The following HEATR5B variants were observed in gnomAD, a reference collection of about 807,000 sequenced individuals.
HEATR5B encodes the protein HEAT repeat-containing protein 5B.
HEATR5B carries 156 observed loss-of-function variants against 224.1 expected under a neutral mutation model. The observed-to-expected ratio is 0.70, with a 90% CI of 0.61 to 0.80. The LOEUF is 0.80. HEATR5B is among the 30% of genes least tolerant of loss of function. The pLI, the probability that HEATR5B is intolerant of heterozygous loss-of-function variation, is 0.00. For synonymous variants in HEATR5B, 1,027 were observed against 893.0 expected (o/e 1.15, Z -2.68); for missense variants, 2,323 against 2,535.5 (o/e 0.92, Z 1.80).
intron 8 of HEATR5B, among the ~76,000 whole-genome samples, chr2:37,068,381 T>C (rs1263797668): frequency 6.6e-6 from 1 of 152,092 alleles, no homozygotes; most frequent in Non-Finnish European, 1.5e-5. Context: ...AAGAGGACAA[T>C]AGATTACTCC....
chr2:37,001,291 T>C (rs1036101566), intron 32 of HEATR5B, among the ~76,000 whole-genome samples: 3 of 152,090 alleles, frequency 2.0e-5, no homozygotes, highest in African/African-American at 7.2e-5. Flanking sequence ...AATGAAATAA[T>C]CCTAGAATTT....
intron 27 of HEATR5B, among the ~76,000 whole-genome samples, chr2:37,013,425 C>T (rs1242783108): frequency 6.6e-6 from 1 of 152,220 alleles, no homozygotes; most frequent in African/African-American, 2.4e-5. Flanking sequence ...TGGTGCGTGC[C>T]TGCAGTCCCA....
chr2:37,038,144 T>A, intron 20 of HEATR5B, 120 bp from the exon 21 acceptor site: 1 of 722,322 alleles, frequency 1.4e-6, no homozygotes, highest in Non-Finnish European at 2.0e-6. Context: ...CAGGTTTTTT[T>A]TGCTGTTGTT....
rs1429688714 is a variant in HEATR5B at position 37,032,517 on chromosome 2, A to G, written c.3361+112T>C. 1.5e-5 allele frequency: 13 copies of G among 870,696 alleles called. No individual in the cohort carries two copies. The East Asian group carries it at 2.5e-4, about 17-fold the overall frequency. 53.9% of individuals were successfully genotyped at this position (870,696 alleles called of 1,614,324 possible). ...AAGTGGTAATGGTTTTATTTCAAAGAATAAGACATCTGGCCACATTGCAAC... is the reference window on the plus strand; with the variant it reads ...AAGTGGTAATGGTTTTATTTCAAAGGATAAGACATCTGGCCACATTGCAAC... On this transcript the variant is annotated intron_variant, in intron 22 of 35. Transcript: ENST00000233099.
At chr2:37,036,890 C>A (rs944094115) in intron 21 of HEATR5B, among the ~76,000 whole-genome samples, 1 of 151,838 alleles carries the variant, frequency 6.6e-6, no homozygotes, top group African/African-American at 2.4e-5. Context: ...CTCTTCCAGG[C>A]TTTTATAGCA....
intron 24 of HEATR5B, among the ~76,000 whole-genome samples, chr2:37,022,886 A>C (rs954084171): frequency 3.9e-5 from 6 of 152,326 alleles, no homozygotes; most frequent in Admixed American, 2.0e-4. Flanking sequence ...CTAATATCGT[A>C]AAATTTACAG....
Position 37,002,309 on chromosome 2 carries a change from C to A in HEATR5B, c.5314G>T (p.Ala1772Ser), listed in dbSNP as rs757927141. The A allele has an allele frequency of 6.2e-7, 1 of 1,614,040 alleles. No individual in the cohort carries two copies. The highest frequency in any genetic ancestry group is 8.5e-7 in the Non-Finnish European group (1 of 1,180,000). ...CAAATACTGATCAATACCGTACCAG[C>A]GGGTGAACAAAGGGATGGTAAATCA... ...LSDLPSLCSP[A>S]GCMTILPTIL... The change falls in exon 32 of 36, where the codon GCT (alanine) becomes TCT (serine). Residue 1772 changes from alanine (A) to serine (S), a missense_variant. Physicochemically the swap from Ala to Ser is moderately conservative, Grantham distance 99 (BLOSUM62 1). This residue lies in a region of HEATR5B where 844 missense variants were observed against 812.9 expected (regional missense o/e 1.04). Coordinates refer to ENST00000233099, the MANE Select transcript of HEATR5B (RefSeq NM_019024.3).
intron 22 of HEATR5B, among the ~76,000 whole-genome samples, chr2:37,030,802 G>A (rs1669080286): frequency 6.6e-6 from 1 of 152,172 alleles, no homozygotes; most frequent in Non-Finnish European, 1.5e-5. Flanking sequence ...GTTTTTACCA[G>A]GTGCAAAAAC....
chr2:37,028,545 G>T, intron 23 of HEATR5B, 136 bp downstream of exon 23: 1 of 634,724 alleles, frequency 1.6e-6, no homozygotes, highest in Non-Finnish European at 2.5e-6. Flanking sequence ...TTTTGACAGA[G>T]ATTTGTAGAT....
At chr2:37,072,971 C>G (rs1400673252) in intron 5 of HEATR5B, among the ~76,000 whole-genome samples, 3 of 152,156 alleles carry the variant, frequency 2.0e-5, no homozygotes, top group Admixed American at 6.5e-5. Context: ...ACTTCAAAAT[C>G]TTTCCCTCAA....
chr2:37,082,658 C>T (rs1299136311), intron 2 of HEATR5B, among the ~76,000 whole-genome samples: 2 of 152,226 alleles, frequency 1.3e-5, no homozygotes, highest in African/African-American at 2.4e-5. Flanking sequence ...TTTGTTTCAG[C>T]ATACCCCTTC....
rs150874894 is a variant in HEATR5B, at chr2:37,077,001, G to T, written c.357C>A (p.Val119=). The change falls in exon 4 of 36, where the codon GTC becomes GTA. Residue 119 remains valine, a synonymous_variant. Coordinates refer to ENST00000233099, the MANE Select transcript of HEATR5B (RefSeq NM_019024.3). The part of the protein sequence containing the change: ...LPTKLAAVAC[V]GAFYEKMGRM... ...TCCCCATTTTTTCATAAAATGCTCC[G>T]ACACAAGCCACCGCAGCCCTGTAAG... 1 of 1,613,778 alleles carries T rather than the reference G, an allele frequency of 6.2e-7. No homozygotes were observed. The highest frequency in any genetic ancestry group is 8.5e-7 in the Non-Finnish European group (1 of 1,179,834).
intron 30 of HEATR5B, 58 bp from the exon 31 acceptor site, chr2:37,003,744 T>C (rs996755719): frequency 6.3e-6 from 8 of 1,266,418 alleles, no homozygotes; most frequent in Non-Finnish European, 7.4e-6. Flanking sequence ...AATAACTTTA[T>C]ATTGTTAAAA....
chr2:36,986,436 A>G (rs1665950431), intron 35 of HEATR5B, among the ~76,000 whole-genome samples: 1 of 152,108 alleles, frequency 6.6e-6, no homozygotes. Flanking sequence ...CTTTTCTTCT[A>G]CTGGCATAGT....
chr2:37,027,737 T>C (rs1326951849), intron 24 of HEATR5B, among the ~76,000 whole-genome samples, 186 bp downstream of exon 24: 2 of 152,276 alleles, frequency 1.3e-5, no homozygotes, highest in East Asian at 1.9e-4. Flanking sequence ...ATCTTCCCAA[T>C]AGGAATCAGA....
At chr2:36,998,288 CAT>C (rs1189262146) in intron 33 of HEATR5B, among the ~76,000 whole-genome samples, 1 of 152,010 alleles carries the variant, frequency 6.6e-6, no homozygotes, top group Non-Finnish European at 1.5e-5. Context: ...AAAAATTAAA[CAT>C]AGACATGAAA....
At chr2:36,987,152 G>T (rs1666002990) in intron 35 of HEATR5B, among the ~76,000 whole-genome samples, 1 of 152,174 alleles carries the variant, frequency 6.6e-6, no homozygotes, top group South Asian at 2.1e-4. Flanking sequence ...ATCTCGGCCA[G>T]GTGCAGCGGC....
intron 17 of HEATR5B, among the ~76,000 whole-genome samples, chr2:37,051,799 G>C (rs1160902983): frequency 6.6e-6 from 1 of 152,018 alleles, no homozygotes; most frequent in Non-Finnish European, 1.5e-5. Context: ...GAGTGCAATG[G>C]CATGATCTCG....
In HEATR5B at chr2:37,027,905, T is replaced by C. The variant is rs1021595956; in HGVS notation, c.3853+18A>G. Reference sequence around the variant, plus strand: ...GTGTAAAAATGCTTTGGGGAAAAAGTACTGATTTTAAATTTACTTGTAGGG... The same window carrying C: ...GTGTAAAAATGCTTTGGGGAAAAAGCACTGATTTTAAATTTACTTGTAGGG... On this transcript the variant is annotated intron_variant, in intron 24 of 35. Transcript: ENST00000233099. 4 of 1,607,990 alleles carry C rather than the reference T, an allele frequency of 2.5e-6. No homozygotes were observed. Among genetic ancestry groups the C allele is most frequent in the African/African-American group, 1.3e-5 (1 of 74,768 alleles).
Sources: gnomAD v4.1 joint callset for allele counts (sites outside exome capture counted in the v4.1 genomes callset) on GRCh38, gnomAD v4.1.1 for gene constraint, gnomAD v4.1.1 regional missense constraint, MANE v1.5 for transcripts, NCBI Gene and HGNC (gene_info 2026-07-23, HGNC 2026-07-21) for gene names.